Variants in DDX21 observed in about 807,000 individuals in gnomAD.
DDX21 encodes the protein nucleolar RNA helicase 2.
In DDX21, 18 loss-of-function variants were observed where a neutral mutation model predicts 90.0. The ratio of observed to expected loss-of-function variants is 0.20; its 90% CI spans 0.14 to 0.30. The LOEUF (loss-of-function observed/expected upper bound fraction) is 0.30, where lower values mean the gene tolerates loss of function less well. Among genes scored for constraint, DDX21 ranks in the 10% least tolerant of loss-of-function variants. The pLI is 1.00. For missense variants in DDX21, 673 were observed against 944.5 expected (o/e 0.71, Z 3.77); for synonymous variants, 294 against 318.0 (o/e 0.92, Z 0.80).
intron 8 of DDX21, among the ~76,000 whole-genome samples, chr10:68,971,470 C>G (rs907012879): frequency 6.6e-6 from 1 of 152,038 alleles, no homozygotes; most frequent in African/African-American, 2.4e-5. Context: ...TGGTCTCAAA[C>G]CCCAGCCTCA....
chr10:68,961,607 CTACT>C (rs1256152048), intron 2 of DDX21, among the ~76,000 whole-genome samples: 5 of 152,162 alleles, frequency 3.3e-5, no homozygotes, highest in African/African-American at 1.2e-4. Flanking sequence ...GTCTTGAAAT[CTACT>C]TACTACTTGT....
At chr10:68,968,528 A>G (rs1168725119) in intron 6 of DDX21, among the ~76,000 whole-genome samples, 3 of 152,186 alleles carry the variant, frequency 2.0e-5, no homozygotes, top group Non-Finnish European at 4.4e-5. Flanking sequence ...CATGCTCCTC[A>G]ATATACATTG....
chr10:68,966,022 C>T (rs1488711036), intron 5 of DDX21, among the ~76,000 whole-genome samples: 9 of 151,896 alleles, frequency 5.9e-5, no homozygotes, highest in Non-Finnish European at 4.4e-5. Flanking sequence ...TTTGGCCAGG[C>T]GCAGTGGCTC....
chr10:68,982,635 G>A lies in DDX21; in HGVS notation c.2175G>A (p.Arg725=), dbSNP rs143704466. ...CACGGGAAGGATATGGAGGCTTCAG[G>A]GGACAGCGGGAAGGCAGTCGAGGCT... ...EGPREGYGGF[R]GQREGSRGFR... is the part of the protein sequence containing the mutation. The change falls in exon 15 of 15, where the codon AGG becomes AGA. Residue 725 remains arginine, a synonymous_variant. Coordinates refer to ENST00000354185, the MANE Select transcript of DDX21 (RefSeq NM_004728.4). 7.5e-4 allele frequency: 1,212 copies of A among 1,613,064 alleles called. 2 individuals are homozygous for A. The highest frequency in any genetic ancestry group is 5.7e-4 in the Non-Finnish European group (672 of 1,179,662).
In DDX21 at chr10:68,968,961, T is replaced by C. The variant is rs775226648; in HGVS notation, c.1091-15T>C. The C allele has an allele frequency of 4.8e-5, 78 of 1,610,960 alleles. No homozygotes were observed. Among genetic ancestry groups the C allele is most frequent in the East Asian group, 3.6e-4 (16 of 44,814 alleles). ...GGATTATTCATACTGACTTTTTTTT[T>C]CCCCCTCCTCAAAGATTCTGAAGAC... On this transcript the variant is annotated splice_polypyrimidine_tract_variant and intron_variant, in intron 6 of 14. Transcript: ENST00000354185.
In DDX21 at chr10:68,976,291, AT is replaced by A. The variant is rs201101708; in HGVS notation, c.1743-1224del. ...AAGGGAGGAAAGGAAGGATGAGTGTATTTTTTTTTTTTTTGAGACAGAGTCT... is the reference window on the plus strand; with the variant it reads ...AAGGGAGGAAAGGAAGGATGAGTGTATTTTTTTTTTTTTGAGACAGAGTCT... On this transcript the variant is annotated intron_variant, in intron 11 of 14. Coordinates refer to ENST00000354185, the MANE Select transcript of DDX21 (RefSeq NM_004728.4). Among the ~76,000 whole-genome samples, 656 of 142,706 alleles carry A rather than the reference AT, an allele frequency of 4.6e-3. 2 individuals carry two copies. Among genetic ancestry groups the A allele is most frequent in the African/African-American group, 8.7e-3 (342 of 39,092 alleles). 93.6% of individuals were successfully genotyped at this position (142,706 alleles called of 152,430 possible).
Position 68,983,199 on chromosome 10 carries a change from G to T in DDX21, c.*387G>T. The T allele has an allele frequency of 5.1e-6, 1 of 195,194 alleles. No individual in the cohort carries two copies. The highest frequency in any genetic ancestry group is 1.1e-5 in the Non-Finnish European group (1 of 92,590). 12.1% of individuals were successfully genotyped at this position (195,194 alleles called of 1,614,324 possible). ...AATAAATACCTAAGGGAGTGTAACA[G>T]TCTCTGGAGGACCACTTTGAGCCTT... is the stretch of plus-strand genomic sequence containing the variant. On this transcript the variant is annotated 3_prime_UTR_variant, in exon 15 of 15. Coordinates refer to ENST00000354185, the MANE Select transcript of DDX21 (RefSeq NM_004728.4).
chr10:68,978,350 C>G (rs924780190), intron 12 of DDX21, among the ~76,000 whole-genome samples: 3 of 152,080 alleles, frequency 2.0e-5, no homozygotes, highest in African/African-American at 7.2e-5. Flanking sequence ...AAAAAAAACA[C>G]TGGATTATAT....
At position 68,964,374 on chromosome 10, in the gene DDX21, C is replaced by G. The variant is rs560526261; in HGVS notation, c.786+905C>G. ...TGTTAATTTGTTTACTGCTATATCC[C>G]TAGCACATTTTAGATGAATGTATTA... On this transcript the variant is annotated intron_variant, in intron 4 of 14. Coordinates refer to ENST00000354185, the MANE Select transcript of DDX21 (RefSeq NM_004728.4). 9.2e-5 allele frequency among the ~76,000 whole-genome samples: 14 copies of G among 152,264 alleles called. 2 individuals carry two copies. In the South Asian group the frequency reaches 2.9e-3, roughly 32 times the overall value.
At chr10:68,978,478 T>A (rs1843138635) in intron 12 of DDX21, among the ~76,000 whole-genome samples, 1 of 152,162 alleles carries the variant, frequency 6.6e-6, no homozygotes, top group African/African-American at 2.4e-5. Flanking sequence ...ACCTAGAAAC[T>A]TTAGAAGGTG....
intron 1 of DDX21, 123 bp downstream of exon 1, chr10:68,956,435 G>T: frequency 2.7e-6 from 4 of 1,508,290 alleles, no homozygotes; most frequent in Non-Finnish European, 3.6e-6. Flanking sequence ...CCAGACACCG[G>T]GCGTGGGTCT....
At chr10:68,963,858 TG>T (rs1403307898) in intron 4 of DDX21, among the ~76,000 whole-genome samples, 1 of 151,976 alleles carries the variant, frequency 6.6e-6, no homozygotes, top group Non-Finnish European at 1.5e-5. Flanking sequence ...CCCAGCACTT[TG>T]GGAGCCCGAG....
At chr10:68,964,886 C>CT (rs1358999016) in intron 4 of DDX21, among the ~76,000 whole-genome samples, 2 of 151,984 alleles carry the variant, frequency 1.3e-5, no homozygotes, top group African/African-American at 4.8e-5. Context: ...TCCTGACCAC[C>CT]CACCTTGGCC....
At chr10:68,974,044 C>T (rs1365543718) in intron 10 of DDX21, among the ~76,000 whole-genome samples, 6 of 152,066 alleles carry the variant, frequency 3.9e-5, no homozygotes, top group Admixed American at 2.0e-4. Flanking sequence ...AGATTCTTGC[C>T]CCTTCAGGAG....
chr10:68,959,887 C>A lies in DDX21; in HGVS notation c.169C>A (p.Gln57Lys), dbSNP rs988360681. ...AGAAACTGTTTTCCCCAAAGCTAAA[C>A]AAGTTAAAAAGAAAGCAGAGCCTTC... ...EEETVFPKAK[Q>K]VKKKAEPSEV... The change falls in exon 2 of 15, where the codon CAA (glutamine) becomes AAA (lysine). Residue 57 changes from glutamine to lysine, a missense_variant. Coordinates refer to ENST00000354185, the MANE Select transcript of DDX21 (RefSeq NM_004728.4). 4.4e-6 allele frequency: 7 copies of A among 1,600,624 alleles called. No individual in the cohort carries two copies. Among genetic ancestry groups the A allele is most frequent in the Non-Finnish European group, 5.9e-6 (7 of 1,177,314 alleles).
rs777262760 is a variant in DDX21, at chr10:68,959,877, C to T, written c.159C>T (p.Pro53=). ...EIAEEEETVF[P]KAKQVKKKAE... is the part of the protein sequence containing the mutation. ...CAGAAGAGGAAGAAACTGTTTTCCCCAAAGCTAAACAAGTTAAAAAGAAAG... is the reference window on the plus strand; with the variant it reads ...CAGAAGAGGAAGAAACTGTTTTCCCTAAAGCTAAACAAGTTAAAAAGAAAG... The change falls in exon 2 of 15, where the codon CCC becomes CCT. Residue 53 remains proline (P), a synonymous_variant. Coordinates refer to ENST00000354185, the MANE Select transcript of DDX21 (RefSeq NM_004728.4). 2.5e-6 allele frequency: 4 copies of T among 1,594,762 alleles called. No homozygotes were observed. Among genetic ancestry groups the T allele is most frequent in the Non-Finnish European group, 3.4e-6 (4 of 1,175,876 alleles).
intron 7 of DDX21, 32 bp from the exon 8 acceptor site, chr10:68,970,169 C>A (rs1843002338): frequency 6.3e-7 from 1 of 1,587,216 alleles, no homozygotes. Context: ...CAAAGCTTTA[C>A]TAAATAGATG....
Position 68,983,182 on chromosome 10 carries a change from C to G in DDX21, c.*370C>G. The G allele has an allele frequency of 4.4e-6, 1 of 226,226 alleles. No individual in the cohort carries two copies. Among genetic ancestry groups the G allele is most frequent in the South Asian group, 6.7e-5 (1 of 14,908 alleles). 14.0% of individuals were successfully genotyped at this position (226,226 alleles called of 1,614,324 possible). A position where few individuals can be genotyped will look rare whatever the true frequency, so the allele number is the denominator to read the frequency against. ...ATAGTGTCCTTCCCTGAAATAAATA[C>G]CTAAGGGAGTGTAACAGTCTCTGGA... On this transcript the variant is annotated 3_prime_UTR_variant, in exon 15 of 15. Transcript: ENST00000354185.
intron 5 of DDX21, 110 bp downstream of exon 5, chr10:68,965,604 A>C: frequency 1.3e-6 from 1 of 771,276 alleles, no homozygotes; most frequent in Non-Finnish European, 2.1e-6. Context: ...ATAGTCGTTT[A>C]TGGGGATTTT....
Sources: gnomAD v4.1 joint callset for allele counts (sites outside exome capture counted in the v4.1 genomes callset) on GRCh38, gnomAD v4.1.1 for gene constraint, MANE v1.5 for transcripts, NCBI Gene and HGNC (gene_info 2026-07-23, HGNC 2026-07-21) for gene names.